The following ZNF736 variants were observed in gnomAD, a reference collection of about 807,000 sequenced individuals.
The protein encoded by ZNF736 is KRAB-containing zinc-finger repressor protein.
ZNF736 carries 6 observed loss-of-function variants against 11.7 expected under a neutral mutation model. That is an observed-to-expected ratio of 0.51 (90% confidence interval 0.28 to 1.01). ZNF736 has a LOEUF of 1.01. ZNF736 is among the 50% of genes least tolerant of loss of function. The probability of loss-of-function intolerance (pLI) is 0.09; values close to 1 mark genes in which losing one functional copy is unlikely to be tolerated. For missense variants in ZNF736, 444 were observed against 496.0 expected, an observed-to-expected ratio of 0.90 and a Z score of 1.00; for synonymous variants, 139 against 164.7, an observed-to-expected ratio of 0.84 and a Z score of 1.19.
intron 3 of ZNF736, among the ~76,000 whole-genome samples, chr7:64,344,986 T>C (rs1228593414): frequency 2.0e-5 from 3 of 150,344 alleles, no homozygotes. Context: ...GTTTTTTTTT[T>C]CTTTTTGGAA....
At chr7:64,319,094 T>C (rs539877031) in intron 1 of ZNF736, among the ~76,000 whole-genome samples, 1 of 152,026 alleles carries the variant, frequency 6.6e-6, no homozygotes, top group South Asian at 2.1e-4. Flanking sequence ...GAGAAGACTT[T>C]GTTTTCCAAA....
intron 1 of ZNF736, among the ~76,000 whole-genome samples, chr7:64,317,543 T>A (rs1409462629): frequency 3.3e-5 from 5 of 152,144 alleles, no homozygotes; most frequent in Admixed American, 6.5e-5. Context: ...TTAAAAGACA[T>A]TACCCTTCAA....
rs534846522 is a variant in ZNF736 at position 64,330,313 on chromosome 7, C to T, written c.4-5946C>T. Among the ~76,000 whole-genome samples, 281 of 152,210 alleles carry T rather than the reference C, an allele frequency of 1.8e-3. 2 individuals carry two copies. Among genetic ancestry groups the T allele is most frequent in the Middle Eastern group, 6.8e-3 (2 of 294 alleles). On this transcript the variant is annotated intron_variant, in intron 1 of 3. Transcript: ENST00000423484. ...CTGAGACTACAGGTGCCCACCACCG[C>T]GCCGGCTAATTTTTTTGTATTTTTT...
intron 3 of ZNF736, among the ~76,000 whole-genome samples, chr7:64,347,299 A>G (rs1053047331): frequency 4.3e-5 from 6 of 138,618 alleles, no homozygotes; most frequent in African/African-American, 1.4e-4. Flanking sequence ...GCTCATTGCA[A>G]CCTCCACCTC....
At position 64,336,978 on chromosome 7, in the gene ZNF736, C is replaced by G. The variant is rs775572486; in HGVS notation, c.222C>G (p.His74Gln). 9 of 1,599,910 alleles carry G rather than the reference C, an allele frequency of 5.6e-6. No homozygotes were observed. Among genetic ancestry groups the G allele is most frequent in the South Asian group, 1.1e-5 (1 of 89,604 alleles). The change falls in exon 3 of 4, where the codon CAC becomes CAG. Residue 74 changes from histidine (H) to glutamine (Q), a missense_variant. His to Gln is a conservative substitution (Grantham distance 24, BLOSUM62 0). Coordinates refer to ENST00000423484, the MANE Select transcript of ZNF736 (RefSeq NM_001170905.3). ...KVKRQEAVAK[H>Q]PAGSFHFTAE... ...AGAGACAGGAGGCAGTAGCCAAACA[C>G]CCAGGTAGGTGGGAGTGAATGAAGC...
chr7:64,319,254 GTA>G lies in ZNF736; in HGVS notation c.3+5103_3+5104del, dbSNP rs1472803122. Among the ~76,000 whole-genome samples the G allele has an allele frequency of 2.0e-5, 3 of 147,702 alleles. No homozygotes were observed. In the Admixed American group the frequency reaches 2.1e-4, roughly 10 times the overall value. ...ATAGGCCTCAAATACGTATGTATAT[GTA>G]TGTGTGTGTGTGTATATATAAAATA... On this transcript the variant is annotated intron_variant, in intron 1 of 3. Coordinates refer to ENST00000423484, the MANE Select transcript of ZNF736 (RefSeq NM_001170905.3).
rs1789448205 is a variant in ZNF736 at position 64,348,848 on chromosome 7, A to G, written c.985A>G (p.Ser329Gly). 6.2e-7 allele frequency: 1 copy of G among 1,601,524 alleles called. No homozygotes were observed. The highest frequency in any genetic ancestry group is 1.3e-5 in the African/African-American group (1 of 74,434). Residue 329 changes from serine (S) to glycine (G), a missense_variant, in exon 4 of 4, where the codon AGT becomes GGT. Ser to Gly is a moderately conservative substitution (Grantham distance 56). Coordinates refer to ENST00000423484, the MANE Select transcript of ZNF736 (RefSeq NM_001170905.3). ...AGCTTTTAAGTGGTTCTCGGCCCTT[A>G]GTAAACATAAGAGAATTCATACTGG... ...GKAFKWFSAL[S>G]KHKRIHTGEK... is the part of the protein sequence containing the mutation.
At chr7:64,337,077 C>G in intron 3 of ZNF736, 95 bp downstream of exon 3, 1 of 1,029,802 alleles carries the variant, frequency 9.7e-7, no homozygotes, top group Admixed American at 2.6e-5. Flanking sequence ...AAGCTCTGCT[C>G]CAGTGGAAAT....
At chr7:64,316,660 C>A (rs911275699) in intron 1 of ZNF736, among the ~76,000 whole-genome samples, 1 of 151,910 alleles carries the variant, frequency 6.6e-6, no homozygotes, top group African/African-American at 2.4e-5. Context: ...GTGTTTGTCA[C>A]CTTCAATATA....
chr7:64,347,711 T>G (rs1278172812), intron 3 of ZNF736, among the ~76,000 whole-genome samples: 1 of 152,230 alleles, frequency 6.6e-6, no homozygotes. Flanking sequence ...TTTGGTAAGG[T>G]CTCAATAAGC....
At chr7:64,319,333 G>GTATGTATA (rs1788965551) in intron 1 of ZNF736, among the ~76,000 whole-genome samples, 20 of 71,648 alleles carry the variant, frequency 2.8e-4, no homozygotes, top group South Asian at 6.7e-4. Context: ...GTGTGTATGT[G>GTATGTATA]TATATATATA....
intron 3 of ZNF736, among the ~76,000 whole-genome samples, chr7:64,339,017 C>A (rs1789298859): frequency 6.6e-6 from 1 of 151,872 alleles, no homozygotes; most frequent in Admixed American, 6.6e-5. Context: ...TATTAGCAGT[C>A]CTAACAGGTA....
Position 64,354,480 on chromosome 7 carries a change from T to C in ZNF736, c.*5333T>C, listed in dbSNP as rs1008270174. ...TTCAGAGATTTTGAAAGCAAATCTATTTTCTCTGCTGTGTATTAAATTCAT... is the reference window on the plus strand; with the variant it reads ...TTCAGAGATTTTGAAAGCAAATCTACTTTCTCTGCTGTGTATTAAATTCAT... On this transcript the variant is annotated 3_prime_UTR_variant, in exon 4 of 4. Transcript: ENST00000423484. 3 of 152,234 alleles carry C rather than the reference T, an allele frequency of 2.0e-5. No individual in the cohort carries two copies. Among genetic ancestry groups the C allele is most frequent in the African/African-American group, 7.2e-5 (3 of 41,478 alleles). The allele number at this position is 152,234 out of a possible 1,614,324, so 9.4% of individuals were successfully genotyped here. A position where few individuals can be genotyped will look rare whatever the true frequency, so the allele number is the denominator to read the frequency against.
intron 1 of ZNF736, among the ~76,000 whole-genome samples, chr7:64,328,064 A>G (rs1789105979): frequency 6.9e-6 from 1 of 145,610 alleles, no homozygotes. Flanking sequence ...AATAGTTTAC[A>G]CACCACATTT....
chr7:64,314,235 C>T (rs542447983), intron 1 of ZNF736, 82 bp downstream of exon 1: 1 of 1,522,038 alleles, frequency 6.6e-7, no homozygotes, highest in Non-Finnish European at 8.9e-7. Context: ...GGTATCTGGG[C>T]CTTCTCGCGG....
At chr7:64,321,777 C>G (rs1789007204) in intron 1 of ZNF736, among the ~76,000 whole-genome samples, 1 of 152,232 alleles carries the variant, frequency 6.6e-6, no homozygotes. Context: ...CCTCTGAATC[C>G]TGCTCACAGC....
intron 3 of ZNF736, among the ~76,000 whole-genome samples, chr7:64,345,274 G>A (rs186945063): frequency 3.4e-4 from 52 of 150,800 alleles, no homozygotes; most frequent in East Asian, 1.2e-3. Context: ...TGCCCGCCTC[G>A]GCCTCCCAAA....
chr7:64,327,478 G>A (rs1789098424), intron 1 of ZNF736, among the ~76,000 whole-genome samples: 1 of 151,898 alleles, frequency 6.6e-6, no homozygotes, highest in Admixed American at 6.6e-5. Context: ...TTGTTTGTTT[G>A]TTTTAACTCA....
At chr7:64,331,472 A>G (rs1789165001) in intron 1 of ZNF736, among the ~76,000 whole-genome samples, 1 of 151,666 alleles carries the variant, frequency 6.6e-6, no homozygotes, top group Admixed American at 6.6e-5. Context: ...TTTCTTTTTT[A>G]CCCTCTTCAC....
Sources: gnomAD v4.1 joint callset for allele counts (sites outside exome capture counted in the v4.1 genomes callset) on GRCh38, gnomAD v4.1.1 for gene constraint, MANE v1.5 for transcripts, NCBI Gene and HGNC (gene_info 2026-07-23, HGNC 2026-07-21) for gene names.